The following CCDC92B variants were observed in gnomAD, a reference collection of about 807,000 sequenced individuals.
CCDC92B encodes the protein coiled-coil domain-containing 92B.
A neutral mutation model predicts 5.6 loss-of-function variants in CCDC92B; 2 were observed. The observed-to-expected ratio is 0.36, with a 90% CI of 0.15 to 1.12. The LOEUF (loss-of-function observed/expected upper bound fraction) is 1.12. Ranked by LOEUF, CCDC92B falls within the 50% of genes most tolerant of loss-of-function variation. The probability of loss-of-function intolerance (pLI) is 0.40; values close to 1 mark genes in which losing one functional copy is unlikely to be tolerated. For synonymous variants in CCDC92B, 115 were observed against 122.3 expected (o/e 0.94, Z 0.39); for missense variants, 271 against 262.2 (o/e 1.03, Z -0.23).
In CCDC92B at chr17:2,723,889, TG is replaced by T; in HGVS notation, c.*521del. The T allele has an allele frequency of 3.1e-6, 3 of 956,178 alleles. No individual in the cohort carries two copies. Among genetic ancestry groups the T allele is most frequent in the Non-Finnish European group, 3.7e-6 (3 of 809,110 alleles). 59.2% of individuals were successfully genotyped at this position (956,178 alleles called of 1,614,324 possible). On this transcript the variant is annotated 3_prime_UTR_variant, in exon 4 of 4. Transcript: ENST00000614400. ...CAAGGACCTATCGGCAGGGTCAGGG[TG>T]GGGGTAGAAGGACCAGCCCCTAGCC...
At chr17:2,725,498 CCG>C (rs1480990578) in intron 3 of CCDC92B, among the ~76,000 whole-genome samples, 1 of 151,710 alleles carries the variant, frequency 6.6e-6, no homozygotes, top group East Asian at 2.0e-4. Flanking sequence ...CTTCCTTGTT[CCG>C]CCCTCGTACC....
chr17:2,729,359 T>C (rs1213056976), intron 3 of CCDC92B, among the ~76,000 whole-genome samples: 2 of 152,056 alleles, frequency 1.3e-5, no homozygotes, highest in East Asian at 3.9e-4. Flanking sequence ...CGGTGGATGG[T>C]GGTGTGCGCC....
At chr17:2,732,954 A>C (rs547449191) in intron 2 of CCDC92B, among the ~76,000 whole-genome samples, 1 of 151,744 alleles carries the variant, frequency 6.6e-6, no homozygotes, top group South Asian at 2.1e-4. Context: ...CGGAGCTTGC[A>C]GTGAGCCGAG....
chr17:2,724,726 C>A lies in CCDC92B; in HGVS notation c.453G>T (p.Leu151=), dbSNP rs2070704498. 2 of 981,042 alleles carry A rather than the reference C, an allele frequency of 2.0e-6. No homozygotes were observed. The highest frequency in any genetic ancestry group is 2.4e-6 in the Non-Finnish European group (2 of 828,422). The allele number at this position is 981,042 out of a possible 1,614,324, so 60.8% of individuals were successfully genotyped here. ...CGCCGGGGCCCGGGCGCGGGGCCTGCAGTCTCTGGCGCGCCGCGTGCAGCT... is the reference window on the plus strand; with the variant it reads ...CGCCGGGGCCCGGGCGCGGGGCCTGAAGTCTCTGGCGCGCCGCGTGCAGCT... The part of the protein sequence containing the change: ...SCQLHAARQR[L]QAPRPGPGAT... Residue 151 remains leucine, a synonymous_variant, in exon 4 of 4, where the codon CTG becomes CTT. Transcript: ENST00000614400. This position sits in a 1 kb window ranked among gnomAD's most constrained non-coding sequence, Gnocchi z 5.0.
rs551963371 is a variant in CCDC92B, at chr17:2,728,736, C to G, written c.178+1710G>C. On this transcript the variant is annotated intron_variant, in intron 3 of 3. Transcript: ENST00000614400. ...GAAAGTGGCTGTGTCACAGAACTGTCCTAATCTAGTGTCTGGGGCATGTGC... is the reference window on the plus strand; with the variant it reads ...GAAAGTGGCTGTGTCACAGAACTGTGCTAATCTAGTGTCTGGGGCATGTGC... Among the ~76,000 whole-genome samples, 65 of 152,320 alleles carry G rather than the reference C, an allele frequency of 4.3e-4. No individual in the cohort carries two copies. The South Asian group carries it at 0.01, about 24-fold the overall frequency.
At chr17:2,732,779 C>T (rs1320136267) in intron 2 of CCDC92B, among the ~76,000 whole-genome samples, 7 of 151,316 alleles carry the variant, frequency 4.6e-5, no homozygotes, top group South Asian at 2.1e-4. Flanking sequence ...TTTGGGAGGC[C>T]GAGGTGGGCG....
chr17:2,741,329 C>T (rs986655510), intron 1 of CCDC92B, among the ~76,000 whole-genome samples: 3 of 151,934 alleles, frequency 2.0e-5, no homozygotes, highest in Non-Finnish European at 2.9e-5. Context: ...GAAGGAGGGT[C>T]GCAGGAAGGA....
At chr17:2,734,724 G>A (rs2070839047) in intron 2 of CCDC92B, among the ~76,000 whole-genome samples, 1 of 151,710 alleles carries the variant, frequency 6.6e-6, no homozygotes, top group Admixed American at 6.6e-5. Flanking sequence ...TCCTGACCTC[G>A]TGATCCGCCC....
intron 3 of CCDC92B, among the ~76,000 whole-genome samples, chr17:2,727,481 C>T (rs1052098747): frequency 1.3e-5 from 2 of 152,016 alleles, no homozygotes; most frequent in African/African-American, 2.4e-5. Flanking sequence ...ACGTAGGCAG[C>T]CGAAAGTGGC....
Position 2,724,727 on chromosome 17 carries a change from A to T in CCDC92B, c.452T>A (p.Leu151Gln). ...SCQLHAARQR[L>Q]QAPRPGPGAT... ...GCCGGGGCCCGGGCGCGGGGCCTGC[A>T]GTCTCTGGCGCGCCGCGTGCAGCTG... The change falls in exon 4 of 4, where the codon CTG becomes CAG. Residue 151 changes from leucine (L) to glutamine (Q), a missense_variant. Leu to Gln is a moderately radical substitution (Grantham distance 113). Transcript: ENST00000614400. The surrounding 1 kb of genome is among the most constrained non-coding windows in gnomAD (Gnocchi z 5.0). 1.0e-6 allele frequency: 1 copy of T among 979,076 alleles called. No individual in the cohort carries two copies. The highest frequency in any genetic ancestry group is 1.2e-6 in the Non-Finnish European group (1 of 827,786). 60.6% of individuals were successfully genotyped at this position (979,076 alleles called of 1,614,324 possible). A position where few individuals can be genotyped will look rare whatever the true frequency, so the allele number is the denominator to read the frequency against.
chr17:2,744,509 G>C (rs1055428279), intron 1 of CCDC92B, among the ~76,000 whole-genome samples: 7 of 152,076 alleles, frequency 4.6e-5, no homozygotes, highest in Non-Finnish European at 1.0e-4. Flanking sequence ...TTTGTTTATT[G>C]TCTGTTTCTC....
intron 1 of CCDC92B, among the ~76,000 whole-genome samples, chr17:2,746,514 C>T (rs1298929562): frequency 6.6e-6 from 1 of 151,704 alleles, no homozygotes; most frequent in African/African-American, 2.4e-5. Context: ...GACTCAGGAA[C>T]CTTCTGACCC....
chr17:2,741,539 C>T (rs563163708), intron 1 of CCDC92B, among the ~76,000 whole-genome samples: 7 of 151,120 alleles, frequency 4.6e-5, no homozygotes, highest in East Asian at 2.0e-4. Context: ...ACTACCCAGG[C>T]GTTGAGGTGT....
chr17:2,730,050 A>G (rs2070775744), intron 3 of CCDC92B, among the ~76,000 whole-genome samples: 1 of 152,212 alleles, frequency 6.6e-6, no homozygotes, highest in Non-Finnish European at 1.5e-5. Flanking sequence ...GGTGGGTCAC[A>G]GCAAGGAATT....
At chr17:2,729,864 G>T (rs1454502926) in intron 3 of CCDC92B, among the ~76,000 whole-genome samples, 2 of 152,182 alleles carry the variant, frequency 1.3e-5, no homozygotes, top group Non-Finnish European at 2.9e-5. Context: ...TCATGCTTTT[G>T]TAAAATGCAG....
intron 1 of CCDC92B, among the ~76,000 whole-genome samples, chr17:2,739,124 T>G (rs1378980067): frequency 1.3e-5 from 2 of 151,188 alleles, no homozygotes; most frequent in Non-Finnish European, 2.9e-5. Flanking sequence ...TCCCAGCACT[T>G]TGGGAGGCCA....
chr17:2,749,465 G>A lies in CCDC92B; in HGVS notation c.-78C>T, dbSNP rs1412354522. 1 of 151,450 alleles carries A rather than the reference G, an allele frequency of 6.6e-6. No individual in the cohort carries two copies. Among genetic ancestry groups the A allele is most frequent in the South Asian group, 2.1e-4 (1 of 4,812 alleles). 9.4% of individuals were successfully genotyped at this position (151,450 alleles called of 1,614,324 possible). On this transcript the variant is annotated 5_prime_UTR_variant, in exon 1 of 4. Transcript: ENST00000614400. ...GGGCCCTGGGTCCGGGCCGGGCTGG[G>A]TGGGGGCGGCGCTCTTCCCCCCACG...
At chr17:2,741,549 T>A (rs2070926425) in intron 1 of CCDC92B, among the ~76,000 whole-genome samples, 1 of 150,558 alleles carries the variant, frequency 6.6e-6, no homozygotes, top group Non-Finnish European at 1.5e-5. Flanking sequence ...CGTTGAGGTG[T>A]CCACCTGTAG....
chr17:2,728,450 C>A (rs541675793), intron 3 of CCDC92B, among the ~76,000 whole-genome samples: 2 of 151,930 alleles, frequency 1.3e-5, no homozygotes, highest in Admixed American at 1.3e-4. Context: ...ACTAAAAATA[C>A]AAAAAATGAG....
Sources: gnomAD v4.1 joint callset for allele counts (sites outside exome capture counted in the v4.1 genomes callset) on GRCh38, gnomAD v4.1.1 for gene constraint, Gnocchi (gnomAD v3.1) non-coding constraint, MANE v1.5 for transcripts, NCBI Gene and HGNC (gene_info 2026-07-23, HGNC 2026-07-21) for gene names.